Variants in RTL9 observed in about 807,000 individuals in gnomAD.
RTL9 encodes retrotransposon Gag-like protein 9.
Under a neutral mutation model 44.7 loss-of-function variants are expected in RTL9, and 19 were observed. That is an observed-to-expected ratio of 0.42 (90% CI 0.30 to 0.62). RTL9 has a LOEUF of 0.62. Among genes scored for constraint, RTL9 ranks in the 20% least tolerant of loss-of-function variants. The probability of loss-of-function intolerance (pLI) is 0.16; values close to 1 mark genes in which losing one functional copy is unlikely to be tolerated. For missense variants in RTL9, 1,105 were observed against 1,080.6 expected (o/e 1.02, Z -0.32); for synonymous variants, 407 against 398.9 (o/e 1.02, Z -0.24).
intron 1 of RTL9, among the ~76,000 whole-genome samples, chrX:110,401,767 T>C (rs995931303): frequency 6.2e-5 from 7 of 112,281 alleles, no homozygotes; most frequent in African/African-American, 2.3e-4. Context: ...TCAGTGAGCC[T>C]TCGTTTCCTC....
chrX:110,417,224 C>T (rs1003108287), upstream of RTL9, among the ~76,000 whole-genome samples: 7 of 112,108 alleles, frequency 6.2e-5, no homozygotes, highest in African/African-American at 1.3e-4. Flanking sequence ...TAGACAATGG[C>T]GGCTGCTCAG....
At chrX:110,359,892 T>G in intron 1 of RTL9, among the ~76,000 whole-genome samples, 1 of 112,108 alleles carries the variant, frequency 8.9e-6, no homozygotes, top group East Asian at 2.8e-4. Context: ...GAACTTGGCA[T>G]AGAAGGGTAC....
At chrX:110,427,736 C>A (rs2068764469) in intron 1 of RTL9, among the ~76,000 whole-genome samples, 1 of 112,233 alleles carries the variant, frequency 8.9e-6, no homozygotes, top group Admixed American at 9.3e-5. Flanking sequence ...CATTTAAGGT[C>A]TATCTCTTTG....
In RTL9 at chrX:110,399,281, C is replaced by G. The variant is rs765657294; in HGVS notation, c.-168+40365C>G. The stretch of plus-strand genomic sequence containing the variant: ...ACATTCAACCCCAAACTTAGAAATG[C>G]AGAAGCCTAGGCTCAGTGAATTTTA... On this transcript the variant is annotated intron_variant, in intron 1 of 2. Coordinates refer to the RTL9 transcript ENST00000520821. Among the ~76,000 whole-genome samples the G allele has an allele frequency of 2.3e-3, 256 of 112,461 alleles. 2 individuals are homozygous for G. Among genetic ancestry groups the G allele is most frequent in the African/African-American group, 8.1e-3 (252 of 30,946 alleles).
intron 1 of RTL9, among the ~76,000 whole-genome samples, chrX:110,384,632 A>G (rs1239100802): frequency 9.0e-6 from 1 of 111,323 alleles, no homozygotes; most frequent in Admixed American, 9.6e-5. Context: ...CTAAGAATCC[A>G]GAGGAAAATG....
chrX:110,388,295 T>A lies in RTL9; in HGVS notation c.-168+29379T>A, dbSNP rs753405680. ...TAAATAGGCACTCAGGTGGTATTTGTTATTGATTGATAGGATTCTGAAGAA... is the reference window on the plus strand; with the variant it reads ...TAAATAGGCACTCAGGTGGTATTTGATATTGATTGATAGGATTCTGAAGAA... On this transcript the variant is annotated intron_variant, in intron 1 of 2. Transcript: ENST00000520821. Among the ~76,000 whole-genome samples the A allele has an allele frequency of 2.7e-5, 3 of 112,205 alleles. No homozygotes were observed. In the South Asian group the frequency reaches 1.1e-3, roughly 42 times the overall value.
chrX:110,438,899 C>T (rs1488655781), intron 1 of RTL9, among the ~76,000 whole-genome samples: 1 of 112,139 alleles, frequency 8.9e-6, no homozygotes, highest in Non-Finnish European at 1.9e-5. Flanking sequence ...TGCTTGCCTT[C>T]TTTTATTCTT....
At chrX:110,438,126 A>T (rs1251819414) in intron 1 of RTL9, among the ~76,000 whole-genome samples, 2 of 111,032 alleles carry the variant, frequency 1.8e-5, no homozygotes, top group African/African-American at 6.6e-5. Flanking sequence ...TCCTGTTCTG[A>T]GGCTCATGTT....
exon 1 of RTL9, chrX:110,453,081 C>G: frequency 8.3e-7 from 1 of 1,211,642 alleles, no homozygotes; most frequent in Non-Finnish European, 1.1e-6. Context: ...GTCTGCTCCA[C>G]AAATGACAGC....
chrX:110,363,832 A>C (rs1311904257), intron 1 of RTL9, among the ~76,000 whole-genome samples: 2 of 111,610 alleles, frequency 1.8e-5, no homozygotes, highest in African/African-American at 6.5e-5. Flanking sequence ...CACTTTACAT[A>C]AATTATCTTA....
At chrX:110,376,628 AAAAG>A (rs1419800916) in intron 1 of RTL9, among the ~76,000 whole-genome samples, 1 of 112,465 alleles carries the variant, frequency 8.9e-6, no homozygotes, top group African/African-American at 3.2e-5. Context: ...AAGAAAACAA[AAAAG>A]AAACTCTTTT....
exon 2 of RTL9, chrX:110,455,421 C>T (rs1278089798): frequency 2.9e-6 from 3 of 1,030,332 alleles, no homozygotes; most frequent in South Asian, 2.3e-5. Flanking sequence ...ACCTTGTTGC[C>T]TTCACCCTTC....
intron 1 of RTL9, among the ~76,000 whole-genome samples, chrX:110,438,445 A>C (rs900874173): frequency 9.0e-6 from 1 of 110,952 alleles, no homozygotes; most frequent in Non-Finnish European, 1.9e-5. Flanking sequence ...ATCTGCCCCC[A>C]CCCCAGCACT....
chrX:110,388,800 G>T (rs1271066736), intron 1 of RTL9, among the ~76,000 whole-genome samples: 3 of 111,804 alleles, frequency 2.7e-5, no homozygotes, highest in African/African-American at 9.8e-5. Flanking sequence ...CTGCCAAGTA[G>T]TTGGCTCAAG....
intron 1 of RTL9, among the ~76,000 whole-genome samples, chrX:110,374,247 T>G (rs1346784306): frequency 8.9e-6 from 1 of 112,034 alleles, no homozygotes; most frequent in Non-Finnish European, 1.9e-5. Context: ...ATGAAAATCT[T>G]GAAACCTACT....
chrX:110,448,709 C>T (rs932377706), upstream of RTL9, among the ~76,000 whole-genome samples: 3 of 107,119 alleles, frequency 2.8e-5, no homozygotes, highest in African/African-American at 6.8e-5. Flanking sequence ...GGCAGGGGGG[C>T]GTGGCAGGGG....
upstream of RTL9, among the ~76,000 whole-genome samples, chrX:110,416,518 A>G (rs1220946276): frequency 9.0e-6 from 1 of 110,904 alleles, no homozygotes; most frequent in Admixed American, 9.6e-5. Context: ...TCAGGCTAGC[A>G]TGTGACAGAG....
intron 1 of RTL9, among the ~76,000 whole-genome samples, chrX:110,383,035 G>A (rs1236918528): frequency 8.9e-6 from 1 of 111,902 alleles, no homozygotes; most frequent in Non-Finnish European, 1.9e-5. Context: ...ATGAAGAGAC[G>A]ACTAAGGAGC....
At chrX:110,425,602 G>A (rs183294032) in intron 1 of RTL9, among the ~76,000 whole-genome samples, 163 of 113,040 alleles carry the variant, frequency 1.4e-3, no homozygotes, top group Middle Eastern at 0.014. Context: ...AATAATAGTT[G>A]CCCTATAGTG....
Sources: gnomAD v4.1 joint callset for allele counts (sites outside exome capture counted in the v4.1 genomes callset) on GRCh38, gnomAD v4.1.1 for gene constraint, MANE v1.5 for transcripts, NCBI Gene and HGNC (gene_info 2026-07-23, HGNC 2026-07-21) for gene names.